The following EPB41 variants were observed in gnomAD, a reference collection of about 807,000 sequenced individuals.
The protein encoded by EPB41 is protein 4.1.
In EPB41, 65 loss-of-function variants were observed where a neutral mutation model predicts 108.0. The ratio of observed to expected loss-of-function variants is 0.60; its 90% CI spans 0.49 to 0.74. The LOEUF (loss-of-function observed/expected upper bound fraction) is 0.74. Ranked by LOEUF, EPB41 falls within the 30% of genes least tolerant of loss-of-function variation. The probability of loss-of-function intolerance (pLI) is 0.00; values close to 1 mark genes in which losing one functional copy is unlikely to be tolerated. For missense variants in EPB41, 875 were observed against 1,037.0 expected, an observed-to-expected ratio of 0.84 and a Z score of 2.15; for synonymous variants, 336 against 358.9, an observed-to-expected ratio of 0.94 and a Z score of 0.72.
chr1:28,916,465 A>G (rs570538207), intron 1 of EPB41, among the ~76,000 whole-genome samples: 5 of 152,244 alleles, frequency 3.3e-5, no homozygotes, highest in East Asian at 1.9e-4. Context: ...GTGAAACCCC[A>G]TCTGTACTAA....
chr1:28,900,568 A>G (rs1022331253), intron 1 of EPB41, among the ~76,000 whole-genome samples: 8 of 151,976 alleles, frequency 5.3e-5, no homozygotes, highest in African/African-American at 1.9e-4. Flanking sequence ...GATTACAGGC[A>G]TGAGCCACTG....
intron 11 of EPB41, among the ~76,000 whole-genome samples, chr1:29,048,288 C>T (rs1246524192): frequency 6.6e-6 from 1 of 151,944 alleles, no homozygotes; most frequent in African/African-American, 2.4e-5. Context: ...GATCTCGGCT[C>T]ACCGCAACCT....
Position 29,109,444 on chromosome 1 carries a change from G to T in EPB41, c.2415+7G>T. On this transcript the variant is annotated splice_region_variant and intron_variant, in intron 18 of 20. Coordinates refer to ENST00000343067, the MANE Select transcript of EPB41 (RefSeq NM_001376013.1). ...CACAACTCAAATTACCAAGGTAACA[G>T]ACCAGCTAGAACCTCTTTATGGAAC... 1 of 1,612,792 alleles carries T rather than the reference G, an allele frequency of 6.2e-7. No individual in the cohort carries two copies. Among genetic ancestry groups the T allele is most frequent in the Non-Finnish European group, 8.5e-7 (1 of 1,178,826 alleles).
chr1:28,992,654 A>G (rs2096056883), intron 2 of EPB41, among the ~76,000 whole-genome samples: 1 of 152,144 alleles, frequency 6.6e-6, no homozygotes, highest in Non-Finnish European at 1.5e-5. Flanking sequence ...GCGCCACTGC[A>G]CTCCAGCCTG....
intron 12 of EPB41, among the ~76,000 whole-genome samples, chr1:29,057,989 G>T (rs911868429): frequency 2.0e-5 from 3 of 152,096 alleles, no homozygotes; most frequent in Non-Finnish European, 4.4e-5. Flanking sequence ...ATTTAAATTG[G>T]GTTTATTGTA....
chr1:28,997,297 T>C lies in EPB41; in HGVS notation c.764T>C (p.Ile255Thr). 2 of 1,613,258 alleles carry C rather than the reference T, an allele frequency of 1.2e-6. No homozygotes were observed. Among genetic ancestry groups the C allele is most frequent in the Non-Finnish European group, 1.7e-6 (2 of 1,179,200 alleles). The change falls in exon 4 of 21, where the codon ATT becomes ACT. Residue 255 changes from isoleucine to threonine, a missense_variant. Physicochemically the swap from Ile to Thr is moderately conservative, Grantham distance 89. Transcript: ENST00000343067. ...LLEEDYFGLA[I>T]WDNATSKTWL... ...GAAGAAGACTATTTTGGTCTAGCCA[T>C]TTGGGATAACGCAACCTCTAAGGTG...
At chr1:28,947,982 T>G (rs559137004) in intron 1 of EPB41, among the ~76,000 whole-genome samples, 3 of 152,316 alleles carry the variant, frequency 2.0e-5, no homozygotes, top group East Asian at 3.9e-4. Context: ...AATGGGTGTT[T>G]TTTTTTTCAT....
chr1:29,003,946 A>G (rs2096352560), intron 4 of EPB41, among the ~76,000 whole-genome samples: 1 of 152,142 alleles, frequency 6.6e-6, no homozygotes, highest in Non-Finnish European at 1.5e-5. Context: ...TATTTTTAGT[A>G]TAGACAGAGT....
At chr1:28,952,751 G>A (rs189285332) in intron 1 of EPB41, among the ~76,000 whole-genome samples, 8 of 152,230 alleles carry the variant, frequency 5.3e-5, no homozygotes, top group African/African-American at 1.9e-4. Context: ...CCAGACAAGG[G>A]CTATTATCTA....
chr1:28,900,851 AC>A (rs2091213212), intron 1 of EPB41, among the ~76,000 whole-genome samples: 1 of 151,830 alleles, frequency 6.6e-6, no homozygotes, highest in South Asian at 2.1e-4. Flanking sequence ...ACCCCCAAAC[AC>A]TTTTGTAGCT....
At chr1:28,949,087 A>G (rs767118761) in intron 1 of EPB41, among the ~76,000 whole-genome samples, 8 of 152,174 alleles carry the variant, frequency 5.3e-5, no homozygotes, top group Non-Finnish European at 1.2e-4. Context: ...TCCCCCATTC[A>G]TTCTCCTGCC....
chr1:29,037,804 G>A (rs1467801587), intron 10 of EPB41, among the ~76,000 whole-genome samples: 6 of 152,122 alleles, frequency 3.9e-5, no homozygotes, highest in Admixed American at 1.3e-4. Flanking sequence ...AAAGTGCTGT[G>A]ATTACAGGCG....
intron 1 of EPB41, among the ~76,000 whole-genome samples, chr1:28,969,426 A>T (rs772219045): frequency 6.6e-6 from 1 of 151,528 alleles, no homozygotes; most frequent in Non-Finnish European, 1.5e-5. Context: ...ATTTATTTGT[A>T]GTAAGCTTAC....
chr1:28,988,447 C>G (rs765075856), intron 2 of EPB41, among the ~76,000 whole-genome samples: 1 of 151,406 alleles, frequency 6.6e-6, no homozygotes, highest in Non-Finnish European at 1.5e-5. Flanking sequence ...GCAACCTCCC[C>G]GTCCTGGGTT....
intron 1 of EPB41, among the ~76,000 whole-genome samples, chr1:28,946,628 A>G (rs2094498577): frequency 6.6e-6 from 1 of 152,216 alleles, no homozygotes; most frequent in Admixed American, 6.5e-5. Context: ...CTTCAATAAC[A>G]TATGATTACT....
chr1:28,942,382 G>C (rs191345091), intron 1 of EPB41, among the ~76,000 whole-genome samples: 2 of 152,172 alleles, frequency 1.3e-5, no homozygotes, highest in Non-Finnish European at 2.9e-5. Context: ...TCCAAATTGG[G>C]GTTCCCACAA....
At chr1:29,107,634 C>T (rs960616782) in intron 17 of EPB41, among the ~76,000 whole-genome samples, 4 of 151,732 alleles carry the variant, frequency 2.6e-5, no homozygotes, top group Non-Finnish European at 4.4e-5. Context: ...GGGCGGTTCA[C>T]GAAGTCAGGA....
chr1:28,982,450 G>A, intron 1 of EPB41: 2 of 764,502 alleles, frequency 2.6e-6, no homozygotes, highest in South Asian at 1.3e-5. Context: ...CATGGCAGCT[G>A]TCACTTTGCA....
At chr1:28,892,772 A>T (rs1290511504) in intron 1 of EPB41, among the ~76,000 whole-genome samples, 3 of 149,610 alleles carry the variant, frequency 2.0e-5, no homozygotes. Context: ...AGCCATAAAT[A>T]GTGAAGTCAG....
Sources: gnomAD v4.1 joint callset for allele counts (sites outside exome capture counted in the v4.1 genomes callset) on GRCh38, gnomAD v4.1.1 for gene constraint, MANE v1.5 for transcripts, NCBI Gene and HGNC (gene_info 2026-07-23, HGNC 2026-07-21) for gene names.